The following ZNRF3 variants were observed in gnomAD, a reference collection of about 807,000 sequenced individuals.
The protein encoded by ZNRF3 is E3 ubiquitin-protein ligase ZNRF3.
ZNRF3 carries 23 observed loss-of-function variants against 72.5 expected under a neutral mutation model. The ratio of observed to expected loss-of-function variants is 0.32; its 90% CI spans 0.23 to 0.45. ZNRF3 has a LOEUF of 0.45. Among genes scored for constraint, ZNRF3 ranks in the 20% least tolerant of loss-of-function variants. The pLI is 1.00. For missense variants in ZNRF3, 1,169 were observed against 1,272.1 expected, an observed-to-expected ratio of 0.92 and a Z score of 1.23; for synonymous variants, 610 against 545.3, an observed-to-expected ratio of 1.12 and a Z score of -1.65.
Position 29,007,477 on chromosome 22 carries a change from AT to A in ZNRF3, c.426+20289del, listed in dbSNP as rs879365258. Among the ~76,000 whole-genome samples, 1,068 of 146,286 alleles carry A rather than the reference AT, an allele frequency of 7.3e-3. 4 individuals are homozygous for A. Among genetic ancestry groups the A allele is most frequent in the Middle Eastern group, 0.018 (5 of 284 alleles). The stretch of plus-strand genomic sequence containing the variant: ...CATGGCGAGACCCCCATCTCTACAA[AT>A]TTTTTTTTTTTTAAACTAGCTGGGC... On this transcript the variant is annotated intron_variant, in intron 2 of 8. Transcript: ENST00000544604.
chr22:28,939,919 G>C (rs766153404), intron 1 of ZNRF3, among the ~76,000 whole-genome samples: 2 of 152,020 alleles, frequency 1.3e-5, no homozygotes, highest in Admixed American at 1.3e-4. Flanking sequence ...GGGCCATTGA[G>C]CATTTTATTC....
At chr22:28,970,212 T>G (rs1475147037) in intron 1 of ZNRF3, among the ~76,000 whole-genome samples, 3 of 152,028 alleles carry the variant, frequency 2.0e-5, no homozygotes, top group Admixed American at 6.6e-5. Context: ...GGTAAAAGAT[T>G]TGAATAGAGA....
At chr22:28,956,598 C>A (rs761313490) in intron 1 of ZNRF3, among the ~76,000 whole-genome samples, 6 of 152,160 alleles carry the variant, frequency 3.9e-5, no homozygotes, top group Non-Finnish European at 5.9e-5. Flanking sequence ...CCTGGTCTGA[C>A]AAAGACAGTT....
chr22:28,999,683 C>T (rs1343683976), intron 2 of ZNRF3, among the ~76,000 whole-genome samples: 2 of 152,186 alleles, frequency 1.3e-5, no homozygotes, highest in Non-Finnish European at 2.9e-5. Context: ...GGCAGTCACT[C>T]GAGTGCGTTG....
At chr22:29,053,256 A>C (rs1401594786) in intron 8 of ZNRF3, among the ~76,000 whole-genome samples, 1 of 152,126 alleles carries the variant, frequency 6.6e-6, no homozygotes, top group East Asian at 1.9e-4. Flanking sequence ...CAAGGTTCGT[A>C]ATCTCTGTGA....
chr22:28,966,867 CTTTTTTTT>C, intron 1 of ZNRF3, among the ~76,000 whole-genome samples: 1 of 102,434 alleles, frequency 9.8e-6, no homozygotes, highest in African/African-American at 4.0e-5. Flanking sequence ...TTTTAAAAAT[CTTTTTTTT>C]TTTTTTTTTT....
Position 28,933,066 on chromosome 22 carries a change from A to C in ZNRF3, c.300+49000A>C, listed in dbSNP as rs377612669. On this transcript the variant is annotated intron_variant, in intron 1 of 8. Coordinates refer to ENST00000544604, the MANE Select transcript of ZNRF3 (RefSeq NM_001206998.2). ...ATAGTGGCCAAATCTTCCAAAGTAC[A>C]TCATCTGACATTTTAGAATACAGAC... Among the ~76,000 whole-genome samples, 11 of 152,372 alleles carry C rather than the reference A, an allele frequency of 7.2e-5. No individual in the cohort carries two copies. In the East Asian group the frequency reaches 1.7e-3, roughly 24 times the overall value.
At chr22:28,931,268 T>C (rs2034701683) in intron 1 of ZNRF3, among the ~76,000 whole-genome samples, 1 of 152,216 alleles carries the variant, frequency 6.6e-6, no homozygotes, top group Admixed American at 6.5e-5. Context: ...GTTAGATAAA[T>C]CTTGCACTGA....
At chr22:28,895,397 C>T (rs555050340) in intron 1 of ZNRF3, among the ~76,000 whole-genome samples, 25 of 152,210 alleles carry the variant, frequency 1.6e-4, no homozygotes, top group South Asian at 2.1e-4. Flanking sequence ...GCTGTGACTC[C>T]GGCCGGGCAC....
chr22:29,047,529 C>G (rs759694772), intron 6 of ZNRF3, among the ~76,000 whole-genome samples: 1 of 152,216 alleles, frequency 6.6e-6, no homozygotes, highest in Non-Finnish European at 1.5e-5. Flanking sequence ...CTTACACAGA[C>G]TCTGGGTTCT....
intron 2 of ZNRF3, among the ~76,000 whole-genome samples, chr22:29,027,473 T>C (rs1473937528): frequency 2.0e-5 from 3 of 152,128 alleles, no homozygotes; most frequent in Non-Finnish European, 4.4e-5. Context: ...GGTCTCGAAC[T>C]CCTGACCTCA....
In ZNRF3 at chr22:29,049,284, A is replaced by C. The variant is rs777388231; in HGVS notation, c.1103A>C (p.Tyr368Ser). Reference sequence around the variant, plus strand: ...CAGAGGGTGACCCTGCCGGTGCATTACCCCGGCCGCGTGCACAGGACCAAC... The same window carrying C: ...CAGAGGGTGACCCTGCCGGTGCATTCCCCCGGCCGCGTGCACAGGACCAAC... ...RQQRVTLPVHYPGRVHRTNAI... is the reference protein window; with the variant it reads ...RQQRVTLPVHSPGRVHRTNAI... The change falls in exon 8 of 9, where the codon TAC becomes TCC. Residue 368 changes from tyrosine to serine, a missense_variant. Transcript: ENST00000544604. This position sits in a 1 kb window ranked among gnomAD's most constrained non-coding sequence, Gnocchi z 5.2. The C allele has an allele frequency of 5.6e-6, 9 of 1,613,642 alleles. No homozygotes were observed. The highest frequency in any genetic ancestry group is 7.6e-6 in the Non-Finnish European group (9 of 1,179,970).
chr22:28,958,854 G>A (rs2035305000), intron 1 of ZNRF3, among the ~76,000 whole-genome samples: 1 of 152,192 alleles, frequency 6.6e-6, no homozygotes, highest in Non-Finnish European at 1.5e-5. Context: ...CGAATGAATT[G>A]CATCTGGTAC....
chr22:29,010,020 C>A (rs1281885628), intron 2 of ZNRF3, among the ~76,000 whole-genome samples: 1 of 151,166 alleles, frequency 6.6e-6, no homozygotes, highest in African/African-American at 2.4e-5. Context: ...CATTCTCCTG[C>A]CTCAGCCTCC....
intron 1 of ZNRF3, among the ~76,000 whole-genome samples, chr22:28,959,193 A>C (rs1288728318): frequency 6.6e-6 from 1 of 152,246 alleles, no homozygotes; most frequent in East Asian, 1.9e-4. Flanking sequence ...TTGCATGAGC[A>C]TCTGACCCAG....
At chr22:29,020,001 C>T (rs2123859051) in intron 2 of ZNRF3, among the ~76,000 whole-genome samples, 1 of 151,922 alleles carries the variant, frequency 6.6e-6, no homozygotes, top group South Asian at 2.1e-4. Context: ...AAATTGGTTG[C>T]AAGACCTCCC....
At chr22:28,884,116 C>G (rs1346274462) in intron 1 of ZNRF3, 50 bp downstream of exon 1, 2 of 1,075,834 alleles carry the variant, frequency 1.9e-6, no homozygotes, top group Non-Finnish European at 2.3e-6. Flanking sequence ...CAAGATGGCT[C>G]CGGGGGCTGC....
At chr22:28,944,482 C>T (rs1207136493) in intron 1 of ZNRF3, among the ~76,000 whole-genome samples, 3 of 152,014 alleles carry the variant, frequency 2.0e-5, no homozygotes, top group Admixed American at 6.6e-5. Flanking sequence ...ATGCCGGGTG[C>T]GGTGGCTCAC....
At chr22:29,052,584 T>A (rs1174618212) in intron 8 of ZNRF3, among the ~76,000 whole-genome samples, 1 of 151,896 alleles carries the variant, frequency 6.6e-6, no homozygotes, top group Non-Finnish European at 1.5e-5. Context: ...TTCTACCTAC[T>A]CGGGAGGCTG....
Sources: allele counts gnomAD v4.1 joint callset (sites outside exome capture counted in the v4.1 genomes callset), GRCh38; gene constraint gnomAD v4.1.1; non-coding constraint Gnocchi (gnomAD v3.1); transcripts MANE v1.5; gene names NCBI Gene and HGNC (gene_info 2026-07-23, HGNC 2026-07-21).